The following EFNA5 variants were observed in gnomAD, a reference collection of about 807,000 sequenced individuals.
EFNA5 encodes ephrin A5, also known as ephrin-A5.
In EFNA5, 5 loss-of-function variants were observed where a neutral mutation model predicts 22.9. That is an observed-to-expected ratio of 0.22 (90% CI 0.11 to 0.46). The LOEUF is 0.46. Among genes scored for constraint, EFNA5 ranks in the 20% least tolerant of loss-of-function variants. The probability of loss-of-function intolerance (pLI) is 0.99; values close to 1 mark genes in which losing one functional copy is unlikely to be tolerated. For missense variants in EFNA5, 237 were observed against 293.3 expected (o/e 0.81, Z 1.40); for synonymous variants, 113 against 112.2 (o/e 1.01, Z -0.04).
intron 1 of EFNA5, among the ~76,000 whole-genome samples, chr5:107,589,980 C>A (rs1749282504): frequency 6.6e-6 from 1 of 152,194 alleles, no homozygotes; most frequent in Non-Finnish European, 1.5e-5. Flanking sequence ...ATTCCCTTGT[C>A]TTATGTAAAC....
chr5:107,469,366 T>C (rs1384403061), intron 1 of EFNA5, among the ~76,000 whole-genome samples: 1 of 150,188 alleles, frequency 6.7e-6, no homozygotes, highest in African/African-American at 2.5e-5. Context: ...CAAAGATTGA[T>C]CTAATTTTGG....
chr5:107,662,946 T>C (rs1561463666), intron 1 of EFNA5, among the ~76,000 whole-genome samples: 1 of 152,058 alleles, frequency 6.6e-6, no homozygotes, highest in Admixed American at 6.6e-5. Context: ...AAAAAATATG[T>C]ATGGAAACAT....
At chr5:107,393,589 A>G (rs540682785) in intron 2 of EFNA5, among the ~76,000 whole-genome samples, 5 of 152,088 alleles carry the variant, frequency 3.3e-5, no homozygotes, top group Non-Finnish European at 5.9e-5. Flanking sequence ...TGTGTGGGGG[A>G]GCGTTAAAAA....
intron 1 of EFNA5, among the ~76,000 whole-genome samples, chr5:107,584,350 T>G (rs1306291701): frequency 6.6e-6 from 1 of 152,194 alleles, no homozygotes; most frequent in East Asian, 1.9e-4. Context: ...GCAAACTCAC[T>G]GAAGATGAAC....
chr5:107,400,036 A>G (rs972482908), intron 2 of EFNA5, among the ~76,000 whole-genome samples: 1 of 152,358 alleles, frequency 6.6e-6, no homozygotes, highest in Admixed American at 6.5e-5. Flanking sequence ...AAGGTTCATC[A>G]TATTTTAAAA....
chr5:107,638,357 A>T (rs540620430), intron 1 of EFNA5, among the ~76,000 whole-genome samples: 1 of 152,150 alleles, frequency 6.6e-6, no homozygotes, highest in Admixed American at 6.5e-5. Context: ...GGGTGGGTGA[A>T]GAAAGTAGAG....
At position 107,380,644 on chromosome 5, in the gene EFNA5, C is replaced by A; in HGVS notation, c.*611G>T. ...GCTGTCAAGAATGCTTTAAGACAGT[C>A]ATATTAAAAAAAAAAACCAGTGTCT... is the stretch of plus-strand genomic sequence containing the variant. On this transcript the variant is annotated 3_prime_UTR_variant, in exon 5 of 5. Coordinates refer to ENST00000333274, the MANE Select transcript of EFNA5 (RefSeq NM_001962.3). 5.1e-6 allele frequency: 2 copies of A among 391,010 alleles called. No individual in the cohort carries two copies. Among genetic ancestry groups the A allele is most frequent in the Non-Finnish European group, 4.5e-6 (1 of 222,324 alleles). 24.2% of individuals were successfully genotyped at this position (391,010 alleles called of 1,614,324 possible).
chr5:107,548,578 C>T (rs1320176972), intron 1 of EFNA5, among the ~76,000 whole-genome samples: 1 of 152,166 alleles, frequency 6.6e-6, no homozygotes, highest in African/African-American at 2.4e-5. Context: ...TGTTGTACAA[C>T]GGGCTACAAG....
At chr5:107,419,080 G>A (rs469572) in intron 2 of EFNA5, among the ~76,000 whole-genome samples, 74,182 of 152,096 alleles carry the variant, frequency 0.49, 19,402 homozygotes, top group Non-Finnish European at 0.59. Flanking sequence ...ATTACCAGAA[G>A]GCAGAGGTAC....
At chr5:107,399,904 C>A (rs1748040937) in intron 2 of EFNA5, among the ~76,000 whole-genome samples, 1 of 152,114 alleles carries the variant, frequency 6.6e-6, no homozygotes, top group African/African-American at 2.4e-5. Context: ...ACCGGTCAGA[C>A]AAGCAATTCT....
rs374265247 is a variant in EFNA5, at chr5:107,533,012, A to G, written c.126-105503T>C. On this transcript the variant is annotated intron_variant, in intron 1 of 4. Coordinates refer to ENST00000333274, the MANE Select transcript of EFNA5 (RefSeq NM_001962.3). ...CACAGCTCACGGCAGCTAAAGACGG[A>G]GCTCCTGAGATGTACCTTTTTTATT... Among the ~76,000 whole-genome samples, 7 of 152,246 alleles carry G rather than the reference A, an allele frequency of 4.6e-5. No individual in the cohort carries two copies. The East Asian group carries it at 9.6e-4, about 21-fold the overall frequency.
chr5:107,443,828 G>A (rs1749325627), intron 1 of EFNA5, among the ~76,000 whole-genome samples: 1 of 152,140 alleles, frequency 6.6e-6, no homozygotes, highest in Non-Finnish European at 1.5e-5. Flanking sequence ...GTATACGTAT[G>A]TAACAAACCT....
chr5:107,388,712 C>T lies in EFNA5; in HGVS notation c.419-941G>A, dbSNP rs141731049. Among the ~76,000 whole-genome samples, 7 of 152,284 alleles carry T rather than the reference C, an allele frequency of 4.6e-5. No individual in the cohort carries two copies. The South Asian group carries it at 1.2e-3, about 27-fold the overall frequency. On this transcript the variant is annotated intron_variant, in intron 2 of 4. Coordinates refer to ENST00000333274, the MANE Select transcript of EFNA5 (RefSeq NM_001962.3). ...TGACAAAAATTACAGAAACGAGCGTCGCATACTTTCCTCCCTATGTGTTTG... is the reference window on the plus strand; with the variant it reads ...TGACAAAAATTACAGAAACGAGCGTTGCATACTTTCCTCCCTATGTGTTTG...
rs1320982693 is a variant in EFNA5, at chr5:107,580,298, T to C, written c.125+90191A>G. ...ACCTACATTTAAAAATTAGGAACATTTGCATGAGAACAGGGTCTATATTTT... is the reference window on the plus strand; with the variant it reads ...ACCTACATTTAAAAATTAGGAACATCTGCATGAGAACAGGGTCTATATTTT... On this transcript the variant is annotated intron_variant, in intron 1 of 4. Transcript: ENST00000333274. Among the ~76,000 whole-genome samples the C allele has an allele frequency of 2.6e-5, 4 of 152,312 alleles. No individual in the cohort carries two copies. The East Asian group carries it at 5.8e-4, about 22-fold the overall frequency.
At chr5:107,660,314 ATT>A (rs1750926559) in intron 1 of EFNA5, among the ~76,000 whole-genome samples, 2 of 105,850 alleles carry the variant, frequency 1.9e-5, no homozygotes, top group African/African-American at 3.5e-5. Flanking sequence ...ATATATATAT[ATT>A]TGGCAAGTGG....
At chr5:107,399,527 G>A (rs1462434874) in intron 2 of EFNA5, among the ~76,000 whole-genome samples, 2 of 152,174 alleles carry the variant, frequency 1.3e-5, no homozygotes, top group African/African-American at 2.4e-5. Context: ...CCAGTGAACA[G>A]AGAATAAAAG....
intron 1 of EFNA5, among the ~76,000 whole-genome samples, chr5:107,459,382 A>G (rs540318227): frequency 6.6e-6 from 1 of 152,094 alleles, no homozygotes; most frequent in Admixed American, 6.6e-5. Context: ...ACATGAAAAA[A>G]AAAAAAAAGA....
At chr5:107,509,847 T>C (rs1284961766) in intron 1 of EFNA5, among the ~76,000 whole-genome samples, 1 of 152,318 alleles carries the variant, frequency 6.6e-6, no homozygotes, top group Admixed American at 6.5e-5. Context: ...TGGCACATAA[T>C]GGACACTCAG....
At chr5:107,554,457 T>C (rs532378837) in intron 1 of EFNA5, among the ~76,000 whole-genome samples, 4 of 152,116 alleles carry the variant, frequency 2.6e-5, no homozygotes, top group African/African-American at 7.2e-5. Context: ...ATGGGAAAAA[T>C]TAATATTTGC....
Sources: gnomAD v4.1 joint callset for allele counts (sites outside exome capture counted in the v4.1 genomes callset) on GRCh38, gnomAD v4.1.1 for gene constraint, MANE v1.5 for transcripts, NCBI Gene and HGNC (gene_info 2026-07-23, HGNC 2026-07-21) for gene names.